The following ZNF385D variants were observed in gnomAD, a reference collection of about 807,000 sequenced individuals.
The protein encoded by ZNF385D is zinc finger protein 385D.
A neutral mutation model predicts 35.8 loss-of-function variants in ZNF385D; 15 were observed. The observed-to-expected ratio is 0.42, with a 90% confidence interval of 0.28 to 0.64. The LOEUF (loss-of-function observed/expected upper bound fraction) is 0.64. Ranked by LOEUF, ZNF385D falls within the 30% of genes least tolerant of loss-of-function variation. The pLI, the probability that ZNF385D is intolerant of heterozygous loss-of-function variation, is 0.23. For synonymous variants in ZNF385D, 212 were observed against 186.8 expected, an observed-to-expected ratio of 1.13 and a Z score of -1.10; for missense variants, 474 against 494.6, an observed-to-expected ratio of 0.96 and a Z score of 0.39.
At chr3:21,594,323 C>G (rs73137042) in intron 2 of ZNF385D, among the ~76,000 whole-genome samples, 5,108 of 152,174 alleles carry the variant, frequency 0.034, 197 homozygotes, top group African/African-American at 0.091. Flanking sequence ...ACAGCCCTGT[C>G]TTAGGTCTGA....
intron 1 of ZNF385D, among the ~76,000 whole-genome samples, chr3:21,692,649 A>G (rs945921668): frequency 1.3e-5 from 2 of 152,218 alleles, no homozygotes; most frequent in Admixed American, 6.5e-5. Context: ...CTCTACGCAG[A>G]ATGCCACAAG....
At chr3:21,719,155 G>A (rs1225645553) in intron 1 of ZNF385D, among the ~76,000 whole-genome samples, 1 of 152,178 alleles carries the variant, frequency 6.6e-6, no homozygotes, top group Non-Finnish European at 1.5e-5. Flanking sequence ...AGTAGTCTGT[G>A]AACCAACTGC....
At chr3:21,988,921 G>C (rs1335316587) in intron 3 of ZNF385D, among the ~76,000 whole-genome samples, 4 of 152,166 alleles carry the variant, frequency 2.6e-5, no homozygotes, top group African/African-American at 9.7e-5. Context: ...GGGTGGGAGT[G>C]ACCCGATTTT....
chr3:21,526,776 A>G (rs2059400), intron 3 of ZNF385D, among the ~76,000 whole-genome samples: 87,076 of 152,062 alleles, frequency 0.57, 25,379 homozygotes, highest in East Asian at 0.71. Flanking sequence ...GATTTTGGAA[A>G]GGAAATAAAG....
intron 3 of ZNF385D, among the ~76,000 whole-genome samples, chr3:21,767,038 G>A (rs1307130849): frequency 6.6e-6 from 1 of 152,006 alleles, no homozygotes; most frequent in Non-Finnish European, 1.5e-5. Context: ...TTCATGAAAA[G>A]TGGTTAAATA....
At position 22,003,047 on chromosome 3, in the gene ZNF385D, T is replaced by G. The variant is rs140754416; in HGVS notation, c.325+165770A>C. On this transcript the variant is annotated intron_variant, in intron 3 of 5. Coordinates refer to the ZNF385D transcript ENST00000494108. ...GGATGCCCACTCTTACCACTCTTAC[T>G]CAGCATGGTACTGGAAGTCCTAGCC... Among the ~76,000 whole-genome samples, 16 of 152,306 alleles carry G rather than the reference T, an allele frequency of 1.1e-4. No individual in the cohort carries two copies. The East Asian group carries it at 3.1e-3, about 29-fold the overall frequency.
intron 2 of ZNF385D, among the ~76,000 whole-genome samples, chr3:22,187,172 ATTTC>A (rs753278468): frequency 1.3e-5 from 2 of 152,100 alleles, no homozygotes; most frequent in African/African-American, 4.8e-5. Context: ...CTTCACTAAT[ATTTC>A]TTTGTTTCTT....
intron 3 of ZNF385D, among the ~76,000 whole-genome samples, chr3:21,552,649 G>A (rs1481982192): frequency 6.6e-6 from 1 of 152,170 alleles, no homozygotes; most frequent in Non-Finnish European, 1.5e-5. Context: ...ATTCATATGT[G>A]TCAGCTTATA....
intron 3 of ZNF385D, among the ~76,000 whole-genome samples, chr3:22,094,200 T>C (rs1701478710): frequency 6.6e-6 from 1 of 150,570 alleles, no homozygotes; most frequent in Non-Finnish European, 1.5e-5. Flanking sequence ...CATCTTTTGG[T>C]TGTTCATATT....
chr3:22,058,914 A>G (rs954412427), intron 3 of ZNF385D, among the ~76,000 whole-genome samples: 10 of 152,160 alleles, frequency 6.6e-5, no homozygotes, highest in African/African-American at 2.4e-4. Context: ...TCTTAATCCA[A>G]ATCTTTTCCT....
At chr3:22,262,808 T>G (rs1008752019) in intron 2 of ZNF385D, among the ~76,000 whole-genome samples, 1 of 151,916 alleles carries the variant, frequency 6.6e-6, no homozygotes, top group African/African-American at 2.4e-5. Context: ...ATCCTCAACA[T>G]CCTCACGATT....
chr3:21,745,232 T>A (rs906473247), intron 1 of ZNF385D, among the ~76,000 whole-genome samples: 10 of 152,122 alleles, frequency 6.6e-5, no homozygotes, highest in African/African-American at 2.4e-4. Context: ...TTACTTTTCT[T>A]TTTCCTCTCC....
chr3:21,886,024 C>G (rs369884400), intron 3 of ZNF385D, among the ~76,000 whole-genome samples: 92 of 152,248 alleles, frequency 6.0e-4, no homozygotes, highest in African/African-American at 2.2e-3. Context: ...AAAACACCTT[C>G]TCAGAAACAT....
At chr3:22,281,362 G>T (rs116379627) in intron 2 of ZNF385D, among the ~76,000 whole-genome samples, 1,987 of 152,118 alleles carry the variant, frequency 0.013, 45 homozygotes, top group African/African-American at 0.044. Context: ...GTATAATGTG[G>T]GCTATGGGTT....
chr3:21,485,805 T>C (rs1040129773), intron 4 of ZNF385D, among the ~76,000 whole-genome samples: 1 of 152,110 alleles, frequency 6.6e-6, no homozygotes, highest in East Asian at 1.9e-4. Context: ...ACTTGACAGA[T>C]GAAGAAAATT....
At chr3:21,851,938 T>A (rs1696411302) in intron 3 of ZNF385D, among the ~76,000 whole-genome samples, 1 of 152,066 alleles carries the variant, frequency 6.6e-6, no homozygotes, top group African/African-American at 2.4e-5. Context: ...CTTGTCTTGT[T>A]GCCCTGTTAC....
intron 2 of ZNF385D, among the ~76,000 whole-genome samples, chr3:22,311,565 G>A (rs1290468933): frequency 1.3e-5 from 2 of 151,928 alleles, no homozygotes; most frequent in African/African-American, 2.4e-5. Context: ...AAAGACTGGT[G>A]GAAAAAGTCA....
chr3:21,664,981 CTGG>C lies in ZNF385D; in HGVS notation c.67_69del (p.Pro23del). 6.2e-7 allele frequency: 1 copy of C among 1,613,428 alleles called. No individual in the cohort carries two copies. The highest frequency in any genetic ancestry group is 8.5e-7 in the Non-Finnish European group (1 of 1,179,634). On this transcript the variant is annotated inframe_deletion, in exon 2 of 8. Coordinates refer to ENST00000281523, the MANE Select transcript of ZNF385D (RefSeq NM_024697.3). ...TCCAGCGATGGTTGCAAAGGAGGGG[CTGG>C]TGGACGGACAAGGGCCGGGAGAGCA... is the stretch of plus-strand genomic sequence containing the variant.
intron 4 of ZNF385D, among the ~76,000 whole-genome samples, chr3:21,488,715 A>C (rs1412027304): frequency 6.6e-6 from 1 of 152,114 alleles, no homozygotes; most frequent in Non-Finnish European, 1.5e-5. Flanking sequence ...ATGGCATTAA[A>C]AAAATGGCAA....
Sources: allele counts gnomAD v4.1 joint callset (sites outside exome capture counted in the v4.1 genomes callset), GRCh38; gene constraint gnomAD v4.1.1; transcripts MANE v1.5; gene names NCBI Gene and HGNC (gene_info 2026-07-23, HGNC 2026-07-21).